MIPOL1: variants seen among roughly 807,000 people sequenced by gnomAD.
MIPOL1 encodes the protein mirror-image polydactyly gene 1 protein.
In MIPOL1, 57 loss-of-function variants were observed where a neutral mutation model predicts 60.9. That is an observed-to-expected ratio of 0.94 (90% CI 0.76 to 1.17). MIPOL1 has a LOEUF of 1.17. Among genes scored for constraint, MIPOL1 ranks in the 50% most tolerant of loss-of-function variants. The pLI, the probability that MIPOL1 is intolerant of heterozygous loss-of-function variation, is 0.00. For missense variants in MIPOL1, 551 were observed against 511.6 expected, an observed-to-expected ratio of 1.08 and a Z score of -0.74; for synonymous variants, 179 against 168.8, an observed-to-expected ratio of 1.06 and a Z score of -0.47.
chr14:37,467,697 T>C (rs2094617714), intron 11 of MIPOL1, among the ~76,000 whole-genome samples: 1 of 152,138 alleles, frequency 6.6e-6, no homozygotes, highest in African/African-American at 2.4e-5. Context: ...AATTAACTAA[T>C]TCACAAATAT....
intron 11 of MIPOL1, among the ~76,000 whole-genome samples, chr14:37,492,061 G>A (rs1450624773): frequency 6.6e-6 from 1 of 152,148 alleles, no homozygotes; most frequent in African/African-American, 2.4e-5. Context: ...TGCTCAGGCT[G>A]GTCTAGAACT....
intron 11 of MIPOL1, among the ~76,000 whole-genome samples, chr14:37,460,059 AC>A (rs2094522242): frequency 6.6e-6 from 1 of 150,596 alleles, no homozygotes; most frequent in Admixed American, 6.7e-5. Flanking sequence ...AGCCTGGATG[AC>A]AGCAAGACTC....
At chr14:37,480,086 C>T (rs2094839480) in intron 11 of MIPOL1, among the ~76,000 whole-genome samples, 1 of 151,882 alleles carries the variant, frequency 6.6e-6, no homozygotes, top group African/African-American at 2.4e-5. Flanking sequence ...CTGACAACTT[C>T]ACTGCTGAAT....
At chr14:37,446,383 C>G (rs1273603442) in intron 11 of MIPOL1, among the ~76,000 whole-genome samples, 2 of 152,152 alleles carry the variant, frequency 1.3e-5, no homozygotes, top group Non-Finnish European at 2.9e-5. Context: ...GATACCATCT[C>G]ACACCAGTTA....
chr14:37,412,683 A>G (rs1374677585), intron 10 of MIPOL1, among the ~76,000 whole-genome samples: 1 of 152,022 alleles, frequency 6.6e-6, no homozygotes, highest in East Asian at 1.9e-4. Flanking sequence ...AAGCATGAGG[A>G]TATGTGAGGG....
intron 11 of MIPOL1, among the ~76,000 whole-genome samples, chr14:37,475,339 T>C (rs900260220): frequency 3.3e-5 from 5 of 152,336 alleles, no homozygotes; most frequent in African/African-American, 4.8e-5. Flanking sequence ...TTAGTATGTG[T>C]TTTGCAAGGA....
intron 7 of MIPOL1, among the ~76,000 whole-genome samples, chr14:37,287,602 AGTATTAACTTG>A (rs2084682417): frequency 6.6e-6 from 1 of 152,186 alleles, no homozygotes; most frequent in South Asian, 2.1e-4. Flanking sequence ...GTGCTATGTA[AGTATTAACTTG>A]AATTTAAGAG....
At chr14:37,263,562 G>A (rs1025838855) in intron 3 of MIPOL1, among the ~76,000 whole-genome samples, 2 of 152,154 alleles carry the variant, frequency 1.3e-5, no homozygotes, top group African/African-American at 4.8e-5. Context: ...AAATAAAACA[G>A]TGTGCCCACA....
At chr14:37,479,469 A>C (rs2094828560) in intron 11 of MIPOL1, among the ~76,000 whole-genome samples, 1 of 152,174 alleles carries the variant, frequency 6.6e-6, no homozygotes, top group Non-Finnish European at 1.5e-5. Context: ...AATTAAAAGA[A>C]ATATTTAAAA....
chr14:37,508,595 G>A (rs1003555432), intron 12 of MIPOL1, among the ~76,000 whole-genome samples: 1 of 152,110 alleles, frequency 6.6e-6, no homozygotes, highest in South Asian at 2.1e-4. Flanking sequence ...TGTGAACCTG[G>A]ATATAAAACA....
intron 10 of MIPOL1, among the ~76,000 whole-genome samples, chr14:37,415,445 A>C (rs2153542938): frequency 6.6e-6 from 1 of 151,754 alleles, no homozygotes; most frequent in African/African-American, 2.4e-5. Flanking sequence ...ACACGGTGAA[A>C]CCCCTGTCTC....
intron 3 of MIPOL1, among the ~76,000 whole-genome samples, chr14:37,255,943 G>A (rs1256806323): frequency 6.6e-6 from 1 of 151,564 alleles, no homozygotes; most frequent in Non-Finnish European, 1.5e-5. Flanking sequence ...ACAAACTGAT[G>A]GATTTGTATT....
chr14:37,529,676 C>A (rs1367623989), intron 12 of MIPOL1, among the ~76,000 whole-genome samples: 1 of 151,798 alleles, frequency 6.6e-6, no homozygotes, highest in Non-Finnish European at 1.5e-5. Context: ...TTAACTTGGC[C>A]CTGTAGAATG....
intron 1 of MIPOL1, among the ~76,000 whole-genome samples, chr14:37,227,026 A>C (rs1032304390): frequency 1.3e-5 from 2 of 152,176 alleles, no homozygotes; most frequent in African/African-American, 4.8e-5. Context: ...AGGTGCTGTG[A>C]GAGCTAGGGA....
intron 6 of MIPOL1, among the ~76,000 whole-genome samples, chr14:37,281,158 CT>C (rs1227703014): frequency 3.9e-5 from 6 of 152,208 alleles, no homozygotes; most frequent in South Asian, 2.1e-4. Context: ...ATGTTTTAGT[CT>C]TTAGTGCATT....
intron 7 of MIPOL1, among the ~76,000 whole-genome samples, chr14:37,303,651 T>C (rs996522973): frequency 1.3e-5 from 2 of 151,824 alleles, no homozygotes; most frequent in Non-Finnish European, 2.9e-5. Flanking sequence ...AAGGGAAGAA[T>C]GGGAATGGGA....
chr14:37,318,738 G>A (rs1242624687), intron 9 of MIPOL1, among the ~76,000 whole-genome samples: 1 of 151,936 alleles, frequency 6.6e-6, no homozygotes, highest in African/African-American at 2.4e-5. Context: ...TTTGTAGCCT[G>A]ATTTTTCACA....
intron 1 of MIPOL1, among the ~76,000 whole-genome samples, chr14:37,208,729 G>T (rs1425575936): frequency 6.6e-6 from 1 of 152,274 alleles, no homozygotes; most frequent in East Asian, 1.9e-4. Context: ...GCGTAGCTGG[G>T]ATTACAGGTG....
intron 12 of MIPOL1, among the ~76,000 whole-genome samples, chr14:37,514,250 A>G (rs1202048400): frequency 6.6e-6 from 1 of 152,158 alleles, no homozygotes. Context: ...TTGACAGGCT[A>G]CATAGCTCCT....
Sources: allele counts gnomAD v4.1 joint callset (sites outside exome capture counted in the v4.1 genomes callset), GRCh38; gene constraint gnomAD v4.1.1; transcripts MANE v1.5; gene names NCBI Gene and HGNC (gene_info 2026-07-23, HGNC 2026-07-21).